Variants in GPC6 observed in about 807,000 individuals in gnomAD.
The protein encoded by GPC6 is glypican-6.
A neutral mutation model predicts 55.2 loss-of-function variants in GPC6; 14 were observed. That is an observed-to-expected ratio of 0.25 (90% CI 0.17 to 0.40). The LOEUF (loss-of-function observed/expected upper bound fraction) is 0.40. GPC6 is among the 10% of genes least tolerant of loss of function. GPC6 has a pLI of 1.00. For missense variants in GPC6, 641 were observed against 708.5 expected, an observed-to-expected ratio of 0.90 and a Z score of 1.08; for synonymous variants, 278 against 259.6, an observed-to-expected ratio of 1.07 and a Z score of -0.68.
intron 2 of GPC6, among the ~76,000 whole-genome samples, chr13:93,769,262 T>C (rs1314124061): frequency 6.6e-6 from 1 of 152,124 alleles, no homozygotes; most frequent in African/African-American, 2.4e-5. Context: ...AGCAAAGTAA[T>C]ATTCTTGCCA....
intron 1 of GPC6, among the ~76,000 whole-genome samples, chr13:93,536,042 G>T (rs1882048746): frequency 6.6e-6 from 1 of 152,038 alleles, no homozygotes; most frequent in Non-Finnish European, 1.5e-5. Flanking sequence ...ATGCTTCAAA[G>T]TTCCAGCGAT....
chr13:94,358,555 G>A (rs1878909259), intron 6 of GPC6, among the ~76,000 whole-genome samples: 1 of 152,106 alleles, frequency 6.6e-6, no homozygotes, highest in Non-Finnish European at 1.5e-5. Flanking sequence ...GCTTGCCCTG[G>A]AGAGATCACA....
At chr13:93,769,458 A>G (rs1353084800) in intron 2 of GPC6, among the ~76,000 whole-genome samples, 1 of 148,336 alleles carries the variant, frequency 6.7e-6, no homozygotes, top group Non-Finnish European at 1.5e-5. Flanking sequence ...AGACAGCCCC[A>G]AAAAGCAGCA....
chr13:93,651,743 A>T (rs1489123182), intron 2 of GPC6, among the ~76,000 whole-genome samples: 1 of 152,110 alleles, frequency 6.6e-6, no homozygotes, highest in Non-Finnish European at 1.5e-5. Context: ...TCACCAGCTC[A>T]GGCAAGGTAT....
chr13:93,504,449 C>T (rs1880632262), intron 1 of GPC6, among the ~76,000 whole-genome samples: 1 of 150,458 alleles, frequency 6.6e-6, no homozygotes, highest in African/African-American at 2.4e-5. Context: ...CCTGCATATT[C>T]TGCCAACACA....
At chr13:94,188,923 C>G (rs1158974452) in intron 4 of GPC6, among the ~76,000 whole-genome samples, 1 of 152,156 alleles carries the variant, frequency 6.6e-6, no homozygotes, top group Non-Finnish European at 1.5e-5. Context: ...TCCCCTCAAT[C>G]GTATAGTTGC....
intron 4 of GPC6, among the ~76,000 whole-genome samples, chr13:94,191,844 A>G (rs571620950): frequency 3.2e-4 from 48 of 152,280 alleles, no homozygotes; most frequent in African/African-American, 1.1e-3. Flanking sequence ...TATGGAAAAC[A>G]TTAGAGAGCC....
chr13:93,796,626 A>C (rs1566540344), intron 2 of GPC6, among the ~76,000 whole-genome samples: 1 of 152,206 alleles, frequency 6.6e-6, no homozygotes, highest in East Asian at 1.9e-4. Context: ...ATTTCAAAAC[A>C]AAGATGGGGA....
At chr13:93,941,024 C>CT (rs1187693887) in intron 3 of GPC6, among the ~76,000 whole-genome samples, 2 of 152,070 alleles carry the variant, frequency 1.3e-5, no homozygotes, top group Non-Finnish European at 2.9e-5. Flanking sequence ...ATTGGTATTT[C>CT]TTTAAGTTAA....
chr13:93,335,221 C>G (rs866985281), intron 1 of GPC6, among the ~76,000 whole-genome samples: 1 of 152,166 alleles, frequency 6.6e-6, no homozygotes, highest in South Asian at 2.1e-4. Flanking sequence ...GTAAAAATAC[C>G]TGTTACGTTA....
chr13:94,010,940 A>G (rs982332931), intron 3 of GPC6, among the ~76,000 whole-genome samples: 31 of 152,166 alleles, frequency 2.0e-4, no homozygotes, highest in Non-Finnish European at 2.9e-5. Context: ...ATTGGCTACA[A>G]TAGAAATGGA....
At chr13:93,691,405 A>T (rs530972227) in intron 2 of GPC6, among the ~76,000 whole-genome samples, 8 of 149,582 alleles carry the variant, frequency 5.3e-5, no homozygotes, top group African/African-American at 9.9e-5. Flanking sequence ...TATTTTTTTT[A>T]AATTATCTTT....
At chr13:94,247,553 CA>C (rs35268213) in intron 4 of GPC6, among the ~76,000 whole-genome samples, 29,460 of 151,984 alleles carry the variant, frequency 0.19, 3,008 homozygotes, top group African/African-American at 0.23. Context: ...GAATTATTAT[CA>C]AAAAAGTATG....
chr13:94,112,453 G>T (rs934669283), intron 4 of GPC6, among the ~76,000 whole-genome samples: 4 of 152,252 alleles, frequency 2.6e-5, no homozygotes, highest in Admixed American at 6.5e-5. Flanking sequence ...TTAACCAGAT[G>T]CAGATGGTCA....
intron 6 of GPC6, among the ~76,000 whole-genome samples, chr13:94,321,121 A>G (rs756751552): frequency 6.6e-6 from 1 of 151,936 alleles, no homozygotes; most frequent in South Asian, 2.1e-4. Flanking sequence ...TTTTGTGTCC[A>G]TGTGTTTTCG....
chr13:94,141,074 A>T (rs1225753257), intron 4 of GPC6, among the ~76,000 whole-genome samples: 1 of 152,148 alleles, frequency 6.6e-6, no homozygotes, highest in East Asian at 1.9e-4. Context: ...GGCCTGTGGA[A>T]ACACAGTCTG....
chr13:93,584,839 C>G (rs1036590460), intron 2 of GPC6, among the ~76,000 whole-genome samples: 2 of 151,850 alleles, frequency 1.3e-5, no homozygotes, highest in Non-Finnish European at 2.9e-5. Flanking sequence ...TAGGCATGCA[C>G]CACCATGTTC....
At chr13:94,109,098 G>C (rs1258956073) in intron 4 of GPC6, among the ~76,000 whole-genome samples, 1 of 152,130 alleles carries the variant, frequency 6.6e-6, no homozygotes, top group South Asian at 2.1e-4. Context: ...ACATCCCCTT[G>C]GGAAAATTGC....
intron 2 of GPC6, among the ~76,000 whole-genome samples, chr13:93,643,041 A>G (rs1880023767): frequency 6.6e-6 from 1 of 152,270 alleles, no homozygotes; most frequent in Admixed American, 6.5e-5. Context: ...TCTGGAAGGT[A>G]AGTAGATTGG....
Sources: allele counts gnomAD v4.1 joint callset (sites outside exome capture counted in the v4.1 genomes callset), GRCh38; gene constraint gnomAD v4.1.1; transcripts MANE v1.5; gene names NCBI Gene and HGNC (gene_info 2026-07-23, HGNC 2026-07-21).